Variants in CCDC138 observed in about 807,000 individuals in gnomAD.
CCDC138 encodes coiled-coil domain-containing protein 138.
A neutral mutation model predicts 82.3 loss-of-function variants in CCDC138; 66 were observed. The ratio of observed to expected loss-of-function variants is 0.80; its 90% CI spans 0.66 to 0.98. The LOEUF (loss-of-function observed/expected upper bound fraction) is 0.98. Ranked by LOEUF, CCDC138 falls within the 50% of genes least tolerant of loss-of-function variation. The probability of loss-of-function intolerance (pLI) is 0.00; values close to 1 mark genes in which losing one functional copy is unlikely to be tolerated. For missense variants in CCDC138, 816 were observed against 758.9 expected (o/e 1.08, Z -0.88); for synonymous variants, 297 against 265.4 (o/e 1.12, Z -1.16).
chr2:108,867,873 C>T (rs993040850), intron 13 of CCDC138, among the ~76,000 whole-genome samples: 13 of 152,092 alleles, frequency 8.5e-5, no homozygotes, highest in African/African-American at 1.4e-4. Flanking sequence ...ATTTTTGTCC[C>T]GTGTAATAAA....
intron 10 of CCDC138, among the ~76,000 whole-genome samples, chr2:108,832,000 T>C (rs1055614312): frequency 6.6e-6 from 1 of 152,106 alleles, no homozygotes; most frequent in Non-Finnish European, 1.5e-5. Flanking sequence ...CCCGAAGTGC[T>C]GGGATTACAA....
intron 10 of CCDC138, among the ~76,000 whole-genome samples, chr2:108,831,726 T>TTCCG (rs1687691432): frequency 1.3e-5 from 2 of 151,860 alleles, no homozygotes; most frequent in Admixed American, 6.6e-5. Flanking sequence ...CCTTCCTTCC[T>TTCCG]TCCTTCCTTC....
Position 108,866,329 on chromosome 2 carries a change from T to G in CCDC138, c.1694-7122T>G, listed in dbSNP as rs114970937. Among the ~76,000 whole-genome samples, 112 of 152,346 alleles carry G rather than the reference T, an allele frequency of 7.4e-4. 2 individuals are homozygous for G. Among genetic ancestry groups the G allele is most frequent in the African/African-American group, 2.5e-3 (103 of 41,570 alleles). On this transcript the variant is annotated intron_variant, in intron 13 of 14. Coordinates refer to ENST00000295124, the MANE Select transcript of CCDC138 (RefSeq NM_144978.3). ...CACCTCCATCTCAGTATCTCTAATT[T>G]AATCACATCTGCAAAGCATTTGTCT... is the stretch of plus-strand genomic sequence containing the variant.
rs564773385 is a variant in CCDC138 at position 108,832,814 on chromosome 2, A to G, written c.1207-6371A>G. Among the ~76,000 whole-genome samples the G allele has an allele frequency of 5.3e-4, 81 of 152,288 alleles. 2 individuals carry two copies. The South Asian group carries it at 7.5e-3, about 14-fold the overall frequency. ...GCTGCCTTAGTCGTGACGTGTATCT[A>G]TTACAGGGTATGGGTGAGGTATGAT... On this transcript the variant is annotated intron_variant, in intron 10 of 14. Transcript: ENST00000295124.
At chr2:108,817,302 T>C (rs1349161461) in intron 10 of CCDC138, among the ~76,000 whole-genome samples, 2 of 151,766 alleles carry the variant, frequency 1.3e-5, no homozygotes. Context: ...CTTTTTTCTT[T>C]TTTTTTTTTG....
chr2:108,805,436 GTATTGCAGGCCAGGC>G (rs1682691924), intron 7 of CCDC138, among the ~76,000 whole-genome samples: 1 of 152,038 alleles, frequency 6.6e-6, no homozygotes, highest in East Asian at 1.9e-4. Context: ...ATTTATATAA[GTATTGCAGGCCAGGC>G]GCGGTGGCTC....
intron 1 of CCDC138, among the ~76,000 whole-genome samples, chr2:108,787,661 T>C (rs753957386): frequency 1.3e-5 from 2 of 152,230 alleles, no homozygotes; most frequent in Non-Finnish European, 2.9e-5. Flanking sequence ...TTGTCCTTTT[T>C]GTTGCCTTTA....
In CCDC138 at chr2:108,812,713, G is replaced by A. The variant is rs759976215; in HGVS notation, c.933+5G>A. 6.2e-7 allele frequency: 1 copy of A among 1,602,406 alleles called. No homozygotes were observed. The highest frequency in any genetic ancestry group is 1.7e-5 in the Admixed American group (1 of 59,966). On this transcript the variant is annotated splice_donor_5th_base_variant and intron_variant, in intron 8 of 14. Coordinates refer to ENST00000295124, the MANE Select transcript of CCDC138 (RefSeq NM_144978.3). Reference sequence around the variant, plus strand: ...GCTCGTTTAGATAATTTACAGGTAAGTTGCCTGTTCTTCTCTACAGACAGA... The same window carrying A: ...GCTCGTTTAGATAATTTACAGGTAAATTGCCTGTTCTTCTCTACAGACAGA...
chr2:108,859,479 A>G (rs1470731920), intron 13 of CCDC138, among the ~76,000 whole-genome samples: 1 of 152,130 alleles, frequency 6.6e-6, no homozygotes, highest in Non-Finnish European at 1.5e-5. Flanking sequence ...TGCCTAGGCC[A>G]ATGTCCAGAA....
chr2:108,875,807 T>C (rs531062416), intron 14 of CCDC138, among the ~76,000 whole-genome samples: 153 of 152,278 alleles, frequency 1.0e-3, no homozygotes, highest in Non-Finnish European at 1.7e-3. Flanking sequence ...TGCAGTAAGC[T>C]GTGTTCATGC....
intron 10 of CCDC138, among the ~76,000 whole-genome samples, chr2:108,828,683 G>A (rs1687050792): frequency 6.6e-6 from 1 of 152,124 alleles, no homozygotes. Flanking sequence ...TATACGATAT[G>A]TAAAATTTAA....
intron 9 of CCDC138, among the ~76,000 whole-genome samples, chr2:108,814,353 A>G (rs141828400): frequency 1.0e-3 from 153 of 152,154 alleles, no homozygotes; most frequent in African/African-American, 3.4e-3. Flanking sequence ...GATCATTTTG[A>G]TATTTTGATA....
At position 108,853,891 on chromosome 2, in the gene CCDC138, G is replaced by A. The variant is rs1472485120; in HGVS notation, c.1517-2903G>A. Among the ~76,000 whole-genome samples the A allele has an allele frequency of 6.8e-4, 74 of 108,700 alleles. 1 individual carries two copies. The highest frequency in any genetic ancestry group is 2.4e-3 in the African/African-American group (64 of 26,954). 71.3% of individuals were successfully genotyped at this position (108,700 alleles called of 152,430 possible). ...TATATACTATATAATATATTATATA[G>A]TATATATATTATATATTATATAGTA... On this transcript the variant is annotated intron_variant, in intron 12 of 14. Transcript: ENST00000295124.
intron 9 of CCDC138, among the ~76,000 whole-genome samples, chr2:108,814,821 A>T (rs1684483772): frequency 6.6e-6 from 1 of 151,764 alleles, no homozygotes; most frequent in Admixed American, 6.6e-5. Flanking sequence ...TTTTTAGTAG[A>T]GACAGCGTTT....
intron 13 of CCDC138, among the ~76,000 whole-genome samples, chr2:108,873,029 CATT>C (rs1458590024): frequency 6.6e-6 from 1 of 151,928 alleles, no homozygotes; most frequent in Non-Finnish European, 1.5e-5. Context: ...TGTAAACTGT[CATT>C]AATAGTCAAG....
At chr2:108,860,900 G>A (rs1693463199) in intron 13 of CCDC138, among the ~76,000 whole-genome samples, 1 of 127,030 alleles carries the variant, frequency 7.9e-6, no homozygotes, top group African/African-American at 2.8e-5. Flanking sequence ...TTGTTCATCT[G>A]GTAGAATTTG....
At chr2:108,880,224 CA>C (rs3028925), downstream of CCDC138, among the ~76,000 whole-genome samples, 1 of 50,454 alleles carries the variant, frequency 2.0e-5, no homozygotes, top group Non-Finnish European at 4.8e-5. Context: ...CAAAAACAAA[CA>C]AAAAAAAAAA....
At chr2:108,813,406 T>G (rs1684240136) in intron 9 of CCDC138, among the ~76,000 whole-genome samples, 1 of 152,092 alleles carries the variant, frequency 6.6e-6, no homozygotes, top group Non-Finnish European at 1.5e-5. Flanking sequence ...TAGGGAAATA[T>G]CTCAAGAATA....
chr2:108,879,206 G>A (rs979621684), downstream of CCDC138, among the ~76,000 whole-genome samples: 8 of 152,120 alleles, frequency 5.3e-5, no homozygotes, highest in African/African-American at 1.4e-4. Context: ...TCCTGAGCTC[G>A]AGCAGTCTTC....
Sources: gnomAD v4.1 joint callset for allele counts (sites outside exome capture counted in the v4.1 genomes callset) on GRCh38, gnomAD v4.1.1 for gene constraint, MANE v1.5 for transcripts, NCBI Gene and HGNC (gene_info 2026-07-23, HGNC 2026-07-21) for gene names.